USH2A: variants seen among roughly 807,000 people sequenced by gnomAD.
USH2A encodes Usher syndrome 2A (autosomal recessive, mild).
USH2A carries 443 observed loss-of-function variants against 538.9 expected under a neutral mutation model. The ratio of observed to expected loss-of-function variants is 0.82; its 90% CI spans 0.76 to 0.89. USH2A has a LOEUF of 0.89. Among genes scored for constraint, USH2A ranks in the 40% least tolerant of loss-of-function variants. The pLI, the probability that USH2A is intolerant of heterozygous loss-of-function variation, is 0.00. For synonymous variants in USH2A, 2,413 were observed against 2,273.5 expected, an observed-to-expected ratio of 1.06 and a Z score of -1.75; for missense variants, 6,633 against 6,324.8, an observed-to-expected ratio of 1.05 and a Z score of -1.65.
chr1:215,959,427 T>C (rs1031140357), intron 37 of USH2A, among the ~76,000 whole-genome samples: 1 of 152,108 alleles, frequency 6.6e-6, no homozygotes, highest in African/African-American at 2.4e-5. Context: ...GTCCTTACCT[T>C]CCACCCTTAC....
Position 216,364,980 on chromosome 1 carries a change from T to C in USH2A, c.757A>G (p.Thr253Ala), listed in dbSNP as rs772043125. The change falls in exon 4 of 72, where the codon ACT becomes GCT. Residue 253 changes from threonine to alanine, a missense_variant. Physicochemically the swap from Thr to Ala is moderately conservative, Grantham distance 58. Transcript: ENST00000307340. The stretch of plus-strand genomic sequence containing the variant: ...TTTAAACTCTGTCCTATTTGCACAG[T>C]ACCAGATGCAAAATCTGTAATTGAA... ...SGSITDFASG[T>A]VQIGQSLNGL... The C allele has an allele frequency of 7.4e-6, 12 of 1,613,562 alleles. No individual in the cohort carries two copies. In the Admixed American group the frequency reaches 2.0e-4, roughly 27 times the overall value.
intron 14 of USH2A, among the ~76,000 whole-genome samples, chr1:216,221,972 C>T (rs1398187044): frequency 6.6e-6 from 1 of 152,112 alleles, no homozygotes. Flanking sequence ...TTGAAATAAA[C>T]ATGAGCTACT....
intron 67 of USH2A, among the ~76,000 whole-genome samples, chr1:215,642,517 T>C (rs543176817): frequency 6.6e-6 from 1 of 152,336 alleles, no homozygotes; most frequent in Admixed American, 6.5e-5. Flanking sequence ...TATTCAGGAA[T>C]TTTGTGAGTC....
At chr1:215,885,801 G>GA (rs1408951535) in intron 41 of USH2A, among the ~76,000 whole-genome samples, 3 of 152,044 alleles carry the variant, frequency 2.0e-5, no homozygotes, top group African/African-American at 7.2e-5. Flanking sequence ...ATTGTATGGA[G>GA]AAAAAAACCA....
intron 36 of USH2A, among the ~76,000 whole-genome samples, chr1:215,965,823 A>C (rs1177053538): frequency 6.6e-6 from 1 of 151,926 alleles, no homozygotes; most frequent in Non-Finnish European, 1.5e-5. Flanking sequence ...AAAGAGAAGA[A>C]ATGCACGCAG....
At chr1:216,078,428 A>C (rs1192870814) in intron 26 of USH2A, 66 bp from the exon 27 acceptor site, 12 of 1,479,226 alleles carry the variant, frequency 8.1e-6, no homozygotes, top group Non-Finnish European at 1.1e-5. Flanking sequence ...TTTGGGAGAG[A>C]GCAGAAAGTC....
At chr1:216,040,048 TACACACACACACACACACAC>T (rs59691309) in intron 32 of USH2A, among the ~76,000 whole-genome samples, 6 of 146,228 alleles carry the variant, frequency 4.1e-5, no homozygotes, top group African/African-American at 1.5e-4. Flanking sequence ...GTCTCTCAAT[TACACACACACACACACACAC>T]ACACACACAC....
Position 215,790,254 on chromosome 1 carries a change from C to G in USH2A, c.9987G>C (p.Val3329=), listed in dbSNP as rs1661945214. 2 of 1,613,964 alleles carry G rather than the reference C, an allele frequency of 1.2e-6. No individual in the cohort carries two copies. The highest frequency in any genetic ancestry group is 1.7e-6 in the Non-Finnish European group (2 of 1,179,978). The change falls in exon 51 of 72, where the codon GTG becomes GTC. Residue 3329 remains valine, a synonymous_variant. Transcript: ENST00000307340. ...PGMFCCGQDY[V]NMSDTICCSA... is the part of the protein sequence containing the mutation. The stretch of plus-strand genomic sequence containing the variant: ...AGCAGCATATGGTATCTGACATATT[C>G]ACATAATCCTGCCCACAACAGAACA...
intron 66 of USH2A, 149 bp downstream of exon 66, chr1:215,648,379 A>C: frequency 1.3e-6 from 1 of 796,580 alleles, no homozygotes; most frequent in Non-Finnish European, 2.2e-6. Flanking sequence ...ACTTTGCTAT[A>C]GATATCTGTT....
chr1:216,063,242 C>T (rs940388204), intron 30 of USH2A, among the ~76,000 whole-genome samples: 3 of 152,204 alleles, frequency 2.0e-5, no homozygotes, highest in Non-Finnish European at 4.4e-5. Flanking sequence ...GCACCCCTAA[C>T]GTCTCCACCA....
chr1:215,678,711 CA>C (rs1658117272), intron 62 of USH2A, among the ~76,000 whole-genome samples: 1 of 151,768 alleles, frequency 6.6e-6, no homozygotes, highest in South Asian at 2.1e-4. Context: ...TTTATTCACA[CA>C]GACACACACA....
intron 13 of USH2A, among the ~76,000 whole-genome samples, chr1:216,245,470 TGAGAGAGAGAGAGAGAGAGA>T (rs10535828): frequency 1.6e-4 from 18 of 114,234 alleles, no homozygotes; most frequent in South Asian, 1.0e-3. Flanking sequence ...AGTCCCCTTC[TGAGAGAGAGAGAGAGAGAGA>T]GAGAGAGAGA....
At chr1:216,158,512 G>A (rs1445753390) in intron 21 of USH2A, among the ~76,000 whole-genome samples, 3 of 152,108 alleles carry the variant, frequency 2.0e-5, no homozygotes, top group African/African-American at 7.2e-5. Flanking sequence ...GGAATTACAG[G>A]TGTGAGCCAC....
chr1:216,012,749 C>T (rs1668607252), intron 32 of USH2A, among the ~76,000 whole-genome samples: 1 of 152,226 alleles, frequency 6.6e-6, no homozygotes, highest in South Asian at 2.1e-4. Flanking sequence ...ACTTTTACCA[C>T]TTTCCCTTCT....
intron 3 of USH2A, among the ~76,000 whole-genome samples, chr1:216,395,424 G>A (rs1053312248): frequency 2.0e-5 from 3 of 151,930 alleles, no homozygotes; most frequent in African/African-American, 7.3e-5. Flanking sequence ...ATTCTTATTA[G>A]CTACCCTTAG....
intron 32 of USH2A, among the ~76,000 whole-genome samples, chr1:216,004,337 G>A (rs1285435838): frequency 2.0e-5 from 3 of 152,140 alleles, no homozygotes; most frequent in Non-Finnish European, 4.4e-5. Flanking sequence ...TGAGGCCAAT[G>A]AGTAAAGGAG....
At chr1:216,061,176 T>C (rs913371149) in intron 30 of USH2A, among the ~76,000 whole-genome samples, 4 of 152,194 alleles carry the variant, frequency 2.6e-5, no homozygotes, top group Non-Finnish European at 5.9e-5. Flanking sequence ...ATTTATCTCA[T>C]TTAATCCTCT....
intron 9 of USH2A, among the ~76,000 whole-genome samples, chr1:216,292,762 G>A (rs753682840): frequency 6.6e-6 from 1 of 152,104 alleles, no homozygotes; most frequent in Non-Finnish European, 1.5e-5. Context: ...AACATGCAAA[G>A]TGATCTTAAT....
chr1:216,346,865 A>G (rs1571725316), intron 4 of USH2A, among the ~76,000 whole-genome samples: 1 of 152,002 alleles, frequency 6.6e-6, no homozygotes, highest in African/African-American at 2.4e-5. Context: ...CTGTCTGTGT[A>G]TTTATATGTG....
Sources: allele counts gnomAD v4.1 joint callset (sites outside exome capture counted in the v4.1 genomes callset), GRCh38; gene constraint gnomAD v4.1.1; transcripts MANE v1.5; gene names NCBI Gene and HGNC (gene_info 2026-07-23, HGNC 2026-07-21).